Variants in ZRANB1 observed in about 807,000 individuals in gnomAD.
The protein encoded by ZRANB1 is ubiquitin thioesterase ZRANB1.
ZRANB1 carries 16 observed loss-of-function variants against 80.5 expected under a neutral mutation model. The observed-to-expected ratio is 0.20, with a 90% confidence interval of 0.13 to 0.30. The LOEUF is 0.30. Among genes scored for constraint, ZRANB1 ranks in the 10% least tolerant of loss-of-function variants. The pLI is 1.00. For missense variants in ZRANB1, 576 were observed against 862.6 expected, an observed-to-expected ratio of 0.67 and a Z score of 4.16; for synonymous variants, 291 against 293.1, an observed-to-expected ratio of 0.99 and a Z score of 0.07.
rs186943559 is a variant in ZRANB1, at chr10:124,957,510, C to T, written c.815-9084C>T. 3.4e-4 allele frequency among the ~76,000 whole-genome samples: 52 copies of T among 152,128 alleles called. No homozygotes were observed. In the East Asian group the frequency reaches 9.9e-3, roughly 29 times the overall value. On this transcript the variant is annotated intron_variant, in intron 1 of 8. Coordinates refer to ENST00000359653, the MANE Select transcript of ZRANB1 (RefSeq NM_017580.3). ...ACCATTTCTACCATTCTCTCTAGAG[C>T]TTTTTTACATCTTGGAAAACTGAAA... is the stretch of plus-strand genomic sequence containing the variant.
At chr10:124,949,788 C>T (rs1186505777) in intron 1 of ZRANB1, among the ~76,000 whole-genome samples, 2 of 152,140 alleles carry the variant, frequency 1.3e-5, no homozygotes, top group Non-Finnish European at 2.9e-5. Flanking sequence ...GAGCCACCAC[C>T]TGGCCTGAAA....
At chr10:124,937,033 C>T in the ZRANB1 span, among the ~76,000 whole-genome samples, 2 of 152,254 alleles carry the variant, frequency 1.3e-5, no homozygotes, top group East Asian at 3.9e-4. Flanking sequence ...CTGCTCACTA[C>T]AACCTACACC....
intron 1 of ZRANB1, among the ~76,000 whole-genome samples, chr10:124,962,776 T>C (rs965872610): frequency 5.9e-5 from 9 of 152,250 alleles, no homozygotes; most frequent in Admixed American, 1.3e-4. Context: ...ATTAACACTT[T>C]ATCTGTAATT....
intron 5 of ZRANB1, among the ~76,000 whole-genome samples, chr10:124,975,448 A>G (rs1027627616): frequency 5.3e-5 from 8 of 152,172 alleles, no homozygotes; most frequent in Non-Finnish European, 1.2e-4. Context: ...GTAATTCAAC[A>G]TTGATTCTGT....
chr10:124,977,410 G>A (rs1179425013), intron 5 of ZRANB1, among the ~76,000 whole-genome samples: 4 of 151,722 alleles, frequency 2.6e-5, no homozygotes, highest in South Asian at 4.2e-4. Flanking sequence ...GTTTGTATCG[G>A]GACTGGAATT....
intron 1 of ZRANB1, among the ~76,000 whole-genome samples, chr10:124,943,796 A>T (rs915680786): frequency 4.6e-5 from 7 of 152,220 alleles, no homozygotes; most frequent in African/African-American, 1.7e-4. Flanking sequence ...GTTTATTGTA[A>T]CAAGATGTAA....
upstream of ZRANB1, among the ~76,000 whole-genome samples, chr10:124,940,967 T>G (rs1274517605): frequency 1.3e-5 from 2 of 151,692 alleles, no homozygotes; most frequent in Non-Finnish European, 1.5e-5. Flanking sequence ...GGGCAAAACA[T>G]AGCAAGACTC....
chr10:124,935,184 G>A, the ZRANB1 span, among the ~76,000 whole-genome samples: 1 of 152,194 alleles, frequency 6.6e-6, no homozygotes, highest in African/African-American at 2.4e-5. Context: ...GTCATGGCTT[G>A]CTGTGTAATA....
At chr10:124,952,351 G>A (rs556728784) in intron 1 of ZRANB1, among the ~76,000 whole-genome samples, 12 of 152,232 alleles carry the variant, frequency 7.9e-5, no homozygotes, top group South Asian at 4.2e-4. Flanking sequence ...GAAGAGAAGC[G>A]GAGGCTTGAG....
Position 124,972,093 on chromosome 10 carries a change from C to A in ZRANB1, c.1131C>A (p.Asp377Glu). The A allele has an allele frequency of 6.2e-7, 1 of 1,612,884 alleles. No homozygotes were observed. The highest frequency in any genetic ancestry group is 1.3e-5 in the African/African-American group (1 of 75,002). The change falls in exon 3 of 9, where the codon GAC (aspartate) becomes GAA (glutamate). Residue 377 changes from aspartate to glutamate, a missense_variant. By Grantham distance (45) the Asp-to-Glu change is conservative. Transcript: ENST00000359653. ...ATTTTGCTTGCTATTTTCTGACTGA[C>A]CTTGTAACATTTACATTGCCAGCAG... ...KGDFACYFLT[D>E]LVTFTLPADI...
At chr10:124,976,169 C>G (rs969087797) in intron 5 of ZRANB1, among the ~76,000 whole-genome samples, 1 of 152,184 alleles carries the variant, frequency 6.6e-6, no homozygotes, top group Admixed American at 6.5e-5. Flanking sequence ...GGAGAGAGGG[C>G]TCTTTTGTGC....
intron 5 of ZRANB1, among the ~76,000 whole-genome samples, chr10:124,975,982 G>A (rs1488463153): frequency 6.6e-6 from 1 of 152,230 alleles, no homozygotes; most frequent in Non-Finnish European, 1.5e-5. Flanking sequence ...TCCAGCCTGG[G>A]TGACAGAGTG....
In ZRANB1 at chr10:124,984,458, T is replaced by C. The variant is rs879579043; in HGVS notation, c.1909-316T>C. The stretch of plus-strand genomic sequence containing the variant: ...TAATTGACTAAGTAAACTTACCTTG[T>C]CATGTGTTTGAAGCTGTGGCTTGCC... On this transcript the variant is annotated intron_variant, in intron 8 of 8. Transcript: ENST00000359653. 3.0e-4 allele frequency: 82 copies of C among 275,828 alleles called. No homozygotes were observed. The Admixed American group carries it at 3.9e-3, about 13-fold the overall frequency. The allele number at this position is 275,828 out of a possible 1,614,324, so 17.1% of individuals were successfully genotyped here.
intron 2 of ZRANB1, among the ~76,000 whole-genome samples, chr10:124,970,411 A>G (rs1951813490): frequency 6.6e-6 from 1 of 151,970 alleles, no homozygotes; most frequent in Non-Finnish European, 1.5e-5. Flanking sequence ...GGTGCATGCC[A>G]CTAATGCCTA....
At chr10:124,926,770 C>T in the ZRANB1 span, among the ~76,000 whole-genome samples, 1 of 152,154 alleles carries the variant, frequency 6.6e-6, no homozygotes, top group Non-Finnish European at 1.5e-5. Context: ...ACTGCCAGCG[C>T]AGTAGGTTTG....
intron 4 of ZRANB1, 43 bp downstream of exon 4, chr10:124,973,759 C>T (rs758205632): frequency 6.4e-6 from 10 of 1,567,432 alleles, no homozygotes; most frequent in Non-Finnish European, 8.7e-6. Flanking sequence ...TTCATCTGAT[C>T]AAGTAAGTTT....
In ZRANB1 at chr10:124,942,850, T is replaced by C; in HGVS notation, c.357T>C (p.Ser119=). 6.2e-7 allele frequency: 1 copy of C among 1,614,200 alleles called. No homozygotes were observed. Among genetic ancestry groups the C allele is most frequent in the Non-Finnish European group, 8.5e-7 (1 of 1,180,018 alleles). Residue 119 remains serine (S), a synonymous_variant, in exon 1 of 9, where the codon TCT becomes TCC. Transcript: ENST00000359653. ...GTAGGACCAGGAGTCCTACAGAATC[T>C]CCTCAGTCCTCAGGATCTGGCTCAA... ...SQRRTRSPTE[S]PQSSGSGSRP... is the part of the protein sequence containing the mutation.
chr10:124,981,087 T>A (rs941740847), intron 5 of ZRANB1, among the ~76,000 whole-genome samples: 1 of 152,262 alleles, frequency 6.6e-6, no homozygotes, highest in Non-Finnish European at 1.5e-5. Context: ...ACCATAATTT[T>A]GAGCATAATT....
chr10:124,975,771 G>A (rs1038203149), intron 5 of ZRANB1, among the ~76,000 whole-genome samples: 4 of 152,170 alleles, frequency 2.6e-5, no homozygotes, highest in African/African-American at 9.7e-5. Flanking sequence ...GGAGGCTGAG[G>A]CAGGCAGATC....
Sources: gnomAD v4.1 joint callset for allele counts (sites outside exome capture counted in the v4.1 genomes callset) on GRCh38, gnomAD v4.1.1 for gene constraint, MANE v1.5 for transcripts, NCBI Gene and HGNC (gene_info 2026-07-23, HGNC 2026-07-21) for gene names.